Variants in DZIP3 observed in about 807,000 individuals in gnomAD.
DZIP3 encodes the protein DAZ interacting zinc finger protein 3.
A neutral mutation model predicts 162.0 loss-of-function variants in DZIP3; 118 were observed. The observed-to-expected ratio is 0.73, with a 90% confidence interval of 0.63 to 0.85. DZIP3 has a LOEUF of 0.85. DZIP3 is among the 40% of genes least tolerant of loss of function. The probability of loss-of-function intolerance (pLI) is 0.00; values close to 1 mark genes in which losing one functional copy is unlikely to be tolerated. For missense variants in DZIP3, 1,331 were observed against 1,407.0 expected, an observed-to-expected ratio of 0.95 and a Z score of 0.86; for synonymous variants, 438 against 458.6, an observed-to-expected ratio of 0.96 and a Z score of 0.57.
chr3:108,678,146 T>A (rs1944178164), intron 26 of DZIP3, among the ~76,000 whole-genome samples: 1 of 151,774 alleles, frequency 6.6e-6, no homozygotes, highest in South Asian at 2.1e-4. Context: ...TATGTGCTCC[T>A]TGTGAGAATC....
chr3:108,657,663 T>C (rs369087401), intron 19 of DZIP3, among the ~76,000 whole-genome samples: 5 of 152,094 alleles, frequency 3.3e-5, no homozygotes, highest in African/African-American at 1.2e-4. Flanking sequence ...TGTAAATGGG[T>C]TAAATGCTCC....
intron 8 of DZIP3, among the ~76,000 whole-genome samples, chr3:108,631,055 A>ACACACACACATACTCT: frequency 1.1e-4 from 2 of 18,004 alleles, no homozygotes; most frequent in Non-Finnish European, 1.8e-4. Flanking sequence ...ACACACACAC[A>ACACACACACATACTCT]CTCTCTCTCT....
intron 8 of DZIP3, among the ~76,000 whole-genome samples, chr3:108,629,796 G>A (rs914237589): frequency 2.0e-4 from 30 of 150,694 alleles, no homozygotes; most frequent in African/African-American, 5.8e-4. Flanking sequence ...GGCATAATGC[G>A]ATTTGGCATA....
chr3:108,655,151 A>G (rs1447268008), intron 19 of DZIP3, among the ~76,000 whole-genome samples: 1 of 152,230 alleles, frequency 6.6e-6, no homozygotes, highest in Non-Finnish European at 1.5e-5. Context: ...GAACTCAAAG[A>G]TAGAATTAAA....
intron 1 of DZIP3, among the ~76,000 whole-genome samples, chr3:108,593,872 G>T (rs961948866): frequency 6.6e-6 from 1 of 151,352 alleles, no homozygotes; most frequent in Non-Finnish European, 1.5e-5. Context: ...ACCATGTTGC[G>T]CACGCTGGTC....
chr3:108,607,911 A>G (rs1940468736), intron 2 of DZIP3, among the ~76,000 whole-genome samples, 178 bp from the exon 3 acceptor site: 1 of 152,128 alleles, frequency 6.6e-6, no homozygotes, highest in African/African-American at 2.4e-5. Flanking sequence ...GGGCATGGCC[A>G]ATTCGTCTTC....
At chr3:108,591,308 T>C (rs1251693545) in intron 1 of DZIP3, among the ~76,000 whole-genome samples, 3 of 152,340 alleles carry the variant, frequency 2.0e-5, no homozygotes, top group Admixed American at 2.0e-4. Flanking sequence ...TAATGTAAAG[T>C]GTCAGCTGTC....
At chr3:108,630,146 C>G (rs896442383) in intron 8 of DZIP3, among the ~76,000 whole-genome samples, 3 of 152,078 alleles carry the variant, frequency 2.0e-5, no homozygotes, top group African/African-American at 7.2e-5. Flanking sequence ...CCCACACCTT[C>G]TGGGTGTTCT....
chr3:108,608,320 T>G (rs768174665), intron 3 of DZIP3, among the ~76,000 whole-genome samples, 162 bp downstream of exon 3: 6 of 152,158 alleles, frequency 3.9e-5, no homozygotes, highest in Non-Finnish European at 8.8e-5. Flanking sequence ...AAATCTTGCT[T>G]TGATGATTGA....
intron 32 of DZIP3, among the ~76,000 whole-genome samples, chr3:108,692,869 T>A (rs1214175005): frequency 5.4e-5 from 8 of 149,366 alleles, no homozygotes; most frequent in Non-Finnish European, 1.2e-4. Context: ...ATAAATTTTA[T>A]TATATAAAAA....
intron 28 of DZIP3, among the ~76,000 whole-genome samples, chr3:108,687,307 T>G (rs1944533792): frequency 6.6e-6 from 1 of 152,076 alleles, no homozygotes; most frequent in Non-Finnish European, 1.5e-5. Flanking sequence ...ACATTATAAA[T>G]CAAAGGTAGT....
chr3:108,644,046 A>C (rs1435504114), intron 13 of DZIP3, 118 bp from the exon 14 acceptor site: 6 of 1,285,900 alleles, frequency 4.7e-6, no homozygotes, highest in Non-Finnish European at 6.3e-6. Context: ...GCACTGTACT[A>C]TCCTTCATTC....
chr3:108,605,425 G>T lies in DZIP3; in HGVS notation c.19G>T (p.Glu7Ter), dbSNP rs777221116. The T allele has an allele frequency of 6.2e-7, 1 of 1,613,316 alleles. No homozygotes were observed. The change falls in exon 2 of 33, where the codon GAA (glutamate) becomes TAA (stop). Residue 7 changes from glutamate to a stop codon, truncating the protein, a stop_gained. Transcript: ENST00000361582. LOFTEE classifies it high-confidence loss of function. MDSLPD[E>*]FFVRHPAVED... is the part of the protein sequence containing the mutation. ...GTGCAGCATGGATTCTCTACCAGAT[G>T]AATTTTTTGTGAGGTAAGGCCACAG... is the stretch of plus-strand genomic sequence containing the variant.
chr3:108,688,528 A>G, intron 29 of DZIP3, 65 bp from the exon 30 acceptor site: 2 of 1,534,160 alleles, frequency 1.3e-6, no homozygotes, highest in Non-Finnish European at 1.8e-6. Flanking sequence ...GTTCTGTACT[A>G]ATGTTTCAGC....
intron 24 of DZIP3, among the ~76,000 whole-genome samples, chr3:108,674,931 T>C (rs1168936676): frequency 6.6e-6 from 1 of 151,946 alleles, no homozygotes; most frequent in Admixed American, 6.6e-5. Flanking sequence ...TATCAGGATA[T>C]ACTGATGTGC....
chr3:108,688,825 T>C lies in DZIP3; in HGVS notation c.3417T>C (p.Asp1139=). ...PATWEGASNP[D]EEEEEEEPCV... is the part of the protein sequence containing the mutation. ...AACATTTTCTGTATTTTCCCTAGGA[T>C]GAGGAAGAGGAAGAAGAAGAGCCTT... The change falls in exon 31 of 33, where the codon GAT becomes GAC. Residue 1139 remains aspartate (D), a splice_region_variant and synonymous_variant. Transcript: ENST00000361582. The C allele has an allele frequency of 1.2e-6, 2 of 1,614,052 alleles. No individual in the cohort carries two copies. Among genetic ancestry groups the C allele is most frequent in the Non-Finnish European group, 1.7e-6 (2 of 1,179,990 alleles).
intron 12 of DZIP3, among the ~76,000 whole-genome samples, chr3:108,642,158 C>T (rs1325112788): frequency 6.6e-6 from 1 of 151,698 alleles, no homozygotes; most frequent in Admixed American, 6.6e-5. Flanking sequence ...GCTTTCTTTC[C>T]TTTTTTTTCT....
At chr3:108,667,475 G>A (rs901646029) in intron 21 of DZIP3, among the ~76,000 whole-genome samples, 1 of 152,100 alleles carries the variant, frequency 6.6e-6, no homozygotes, top group African/African-American at 2.4e-5. Context: ...TGGTTCCAAG[G>A]TTATAAGAAG....
Position 108,622,508 on chromosome 3 carries a change from G to T in DZIP3, c.376-1936G>T, listed in dbSNP as rs570255818. On this transcript the variant is annotated intron_variant, in intron 5 of 32. Coordinates refer to ENST00000361582, the MANE Select transcript of DZIP3 (RefSeq NM_014648.4). The stretch of plus-strand genomic sequence containing the variant: ...GGTTTGGTAAAGTCATGTTTTCCTG[G>T]ATGGTCTTGATGCTAATGGATGTCC... Among the ~76,000 whole-genome samples the T allele has an allele frequency of 5.1e-4, 78 of 152,228 alleles. 2 individuals are homozygous for T. Among genetic ancestry groups the T allele is most frequent in the Admixed American group, 1.6e-3 (24 of 15,286 alleles).
Sources: allele counts gnomAD v4.1 joint callset (sites outside exome capture counted in the v4.1 genomes callset), GRCh38; gene constraint gnomAD v4.1.1; transcripts MANE v1.5; gene names NCBI Gene and HGNC (gene_info 2026-07-23, HGNC 2026-07-21).